The following ANKRD44 variants were observed in gnomAD, a reference collection of about 807,000 sequenced individuals.
ANKRD44 encodes the protein serine/threonine-protein phosphatase 6 regulatory ankyrin repeat subunit B.
In ANKRD44, 35 loss-of-function variants were observed where a neutral mutation model predicts 116.0. That is an observed-to-expected ratio of 0.30 (90% confidence interval 0.23 to 0.40). ANKRD44 has a LOEUF of 0.40. ANKRD44 is among the 10% of genes least tolerant of loss of function. The pLI is 1.00. For synonymous variants in ANKRD44, 435 were observed against 461.8 expected, an observed-to-expected ratio of 0.94 and a Z score of 0.74; for missense variants, 1,014 against 1,242.6, an observed-to-expected ratio of 0.82 and a Z score of 2.77.
At chr2:197,007,709 A>C in intron 20 of ANKRD44, 97 bp downstream of exon 20, 1 of 808,410 alleles carries the variant, frequency 1.2e-6, no homozygotes, top group Non-Finnish European at 2.0e-6. Flanking sequence ...TTTTGCTAAA[A>C]ATCCAATCAA....
At chr2:197,091,143 G>A (rs1443087505) in intron 10 of ANKRD44, among the ~76,000 whole-genome samples, 2 of 152,236 alleles carry the variant, frequency 1.3e-5, no homozygotes, top group African/African-American at 4.8e-5. Context: ...GCCAACCGTG[G>A]ACGGCAGACA....
intron 6 of ANKRD44, among the ~76,000 whole-genome samples, chr2:197,124,670 T>C (rs1440910512): frequency 1.3e-5 from 2 of 152,210 alleles, no homozygotes; most frequent in Admixed American, 6.5e-5. Context: ...TTGGTGCTGA[T>C]AGAATCCTGT....
intron 21 of ANKRD44, among the ~76,000 whole-genome samples, chr2:196,970,053 T>G (rs966567757): frequency 6.6e-6 from 1 of 152,228 alleles, no homozygotes; most frequent in African/African-American, 2.4e-5. Context: ...ATCAGTCTTG[T>G]GTTAACTCTA....
chr2:197,116,242 T>C (rs777983582), intron 8 of ANKRD44, among the ~76,000 whole-genome samples: 2 of 152,162 alleles, frequency 1.3e-5, no homozygotes, highest in South Asian at 2.1e-4. Context: ...AGAGCATTGG[T>C]GGCATGTTTT....
At chr2:197,039,160 T>C (rs1396329563) in intron 16 of ANKRD44, among the ~76,000 whole-genome samples, 4 of 152,184 alleles carry the variant, frequency 2.6e-5, no homozygotes, top group Non-Finnish European at 5.9e-5. Context: ...TAACTGAATT[T>C]AGTTTCATTC....
chr2:197,300,132 T>C (rs567671860), intron 1 of ANKRD44, among the ~76,000 whole-genome samples: 1 of 152,350 alleles, frequency 6.6e-6, no homozygotes, highest in African/African-American at 2.4e-5. Context: ...GAGTTTTGCT[T>C]AGGCACAAAT....
chr2:197,209,977 C>T (rs977113552), intron 1 of ANKRD44, among the ~76,000 whole-genome samples: 6 of 152,178 alleles, frequency 3.9e-5, no homozygotes, highest in African/African-American at 1.2e-4. Flanking sequence ...AGCCAGGAAC[C>T]GCACAGAGAC....
chr2:197,263,407 A>G (rs1574393659), intron 1 of ANKRD44: 1 of 601,696 alleles, frequency 1.7e-6, no homozygotes, highest in South Asian at 1.8e-5. Context: ...GAGCCTCATC[A>G]TTGATTATGC....
chr2:197,086,806 C>A, intron 12 of ANKRD44, 58 bp from the exon 13 acceptor site: 2 of 1,519,518 alleles, frequency 1.3e-6, no homozygotes, highest in Non-Finnish European at 1.8e-6. Flanking sequence ...GGCCTATCTT[C>A]AGCAAGAGCT....
At chr2:197,179,072 TAA>T (rs35403965) in intron 2 of ANKRD44, among the ~76,000 whole-genome samples, 10 of 151,782 alleles carry the variant, frequency 6.6e-5, no homozygotes, top group Admixed American at 5.3e-4. Context: ...CCCTGACTCT[TAA>T]AAAAAAAATG....
intron 21 of ANKRD44, among the ~76,000 whole-genome samples, chr2:196,976,274 C>T (rs57454728): frequency 4.6e-5 from 7 of 151,924 alleles, no homozygotes; most frequent in Non-Finnish European, 1.0e-4. Flanking sequence ...GTAGCTGGGA[C>T]TACAGGCACC....
At chr2:197,190,195 T>C (rs2080790082) in intron 1 of ANKRD44, among the ~76,000 whole-genome samples, 1 of 150,896 alleles carries the variant, frequency 6.6e-6, no homozygotes, top group African/African-American at 2.4e-5. Flanking sequence ...TATGCATACC[T>C]ATCTACACTC....
chr2:196,994,062 T>C (rs1017818324), intron 26 of ANKRD44, among the ~76,000 whole-genome samples: 1 of 152,246 alleles, frequency 6.6e-6, no homozygotes, highest in Non-Finnish European at 1.5e-5. Context: ...ATATCAGTCA[T>C]ATATATGTAT....
At chr2:197,197,678 C>G (rs2080984854) in intron 1 of ANKRD44, among the ~76,000 whole-genome samples, 1 of 151,778 alleles carries the variant, frequency 6.6e-6, no homozygotes, top group Non-Finnish European at 1.5e-5. Flanking sequence ...GGCACGGTGG[C>G]GCACACCTGT....
intron 17 of ANKRD44, chr2:197,015,802 G>T (rs1205461532): frequency 7.9e-6 from 4 of 504,884 alleles, no homozygotes; most frequent in South Asian, 3.6e-5. Context: ...TGGTGGTGGG[G>T]GATATGGTGG....
chr2:197,005,651 G>A, intron 21 of ANKRD44, 43 bp downstream of exon 21: 1 of 1,586,894 alleles, frequency 6.3e-7, no homozygotes, highest in African/African-American at 1.3e-5. Context: ...GTGGTCCTGG[G>A]GTAGGAAGTC....
At position 197,310,610 on chromosome 2, in the gene ANKRD44, C is replaced by A; in HGVS notation, c.-6G>T. 7.5e-7 allele frequency: 1 copy of A among 1,329,550 alleles called. No homozygotes were observed. The highest frequency in any genetic ancestry group is 9.8e-7 in the Non-Finnish European group (1 of 1,015,804). The allele number at this position is 1,329,550 out of a possible 1,614,324, so 82.4% of individuals were successfully genotyped here. On this transcript the variant is annotated 5_prime_UTR_variant, in exon 1 of 28. Transcript: ENST00000282272. ...GTGAGTTTGAGCACTGCCATTCTTCCGCTCCTTCGCGCGCACACACATGCA... is the reference window on the plus strand; with the variant it reads ...GTGAGTTTGAGCACTGCCATTCTTCAGCTCCTTCGCGCGCACACACATGCA...
At chr2:197,032,839 T>A (rs1302526247) in intron 16 of ANKRD44, among the ~76,000 whole-genome samples, 2 of 152,190 alleles carry the variant, frequency 1.3e-5, no homozygotes, top group African/African-American at 2.4e-5. Context: ...GATCATTAAC[T>A]GAACATTGGA....
chr2:197,241,732 A>G (rs927402564), intron 1 of ANKRD44, among the ~76,000 whole-genome samples: 2 of 152,248 alleles, frequency 1.3e-5, no homozygotes, highest in South Asian at 4.1e-4. Flanking sequence ...TTTAAGATTT[A>G]TTATATGCCT....
Sources: allele counts gnomAD v4.1 joint callset (sites outside exome capture counted in the v4.1 genomes callset), GRCh38; gene constraint gnomAD v4.1.1; transcripts MANE v1.5; gene names NCBI Gene and HGNC (gene_info 2026-07-23, HGNC 2026-07-21).